MALRD1: variants seen among roughly 807,000 people sequenced by gnomAD.
MALRD1 encodes MAM and LDL receptor class A domain containing 1.
Under a neutral mutation model 242.1 loss-of-function variants are expected in MALRD1, and 247 were observed. The observed-to-expected ratio is 1.02, with a 90% CI of 0.92 to 1.13. MALRD1 has a LOEUF of 1.13. Ranked by LOEUF, MALRD1 falls within the 50% of genes most tolerant of loss-of-function variation. The pLI, the probability that MALRD1 is intolerant of heterozygous loss-of-function variation, is 0.00. For synonymous variants in MALRD1, 995 were observed against 866.6 expected (o/e 1.15, Z -2.60); for missense variants, 2,989 against 2,533.1 (o/e 1.18, Z -3.86).
intron 31 of MALRD1, among the ~76,000 whole-genome samples, chr10:19,501,882 T>A (rs1837988007): frequency 6.6e-6 from 1 of 151,074 alleles, no homozygotes. Context: ...AAATAAAAAA[T>A]TAGCCAGGTG....
chr10:19,474,051 T>G (rs1468862969), intron 29 of MALRD1, among the ~76,000 whole-genome samples: 3 of 152,174 alleles, frequency 2.0e-5, no homozygotes. Context: ...GTATCTAGTT[T>G]TGGTTTTCAT....
chr10:19,273,537 A>C (rs1052130838), intron 19 of MALRD1, among the ~76,000 whole-genome samples: 96 of 152,322 alleles, frequency 6.3e-4, no homozygotes, highest in African/African-American at 2.1e-3. Flanking sequence ...ATCCAGATAA[A>C]AATATTATTC....
At chr10:19,695,176 A>G (rs1478827717) in intron 38 of MALRD1, among the ~76,000 whole-genome samples, 1 of 152,108 alleles carries the variant, frequency 6.6e-6, no homozygotes, top group African/African-American at 2.4e-5. Flanking sequence ...ACATATGTAA[A>G]AAACTGCACG....
At chr10:19,494,823 G>A (rs925665137) in intron 30 of MALRD1, among the ~76,000 whole-genome samples, 1 of 152,096 alleles carries the variant, frequency 6.6e-6, no homozygotes. Context: ...AAAGAGACAG[G>A]GAGAAAGCAA....
At chr10:19,155,798 A>G (rs1470517613) in intron 12 of MALRD1, among the ~76,000 whole-genome samples, 4 of 152,226 alleles carry the variant, frequency 2.6e-5, no homozygotes, top group East Asian at 1.9e-4. Context: ...ACACGATTAT[A>G]TGGAATAATG....
In MALRD1 at chr10:19,133,080, A is replaced by G. The variant is rs374014107; in HGVS notation, c.1111-776A>G. On this transcript the variant is annotated intron_variant, in intron 8 of 39. Transcript: ENST00000454679. Reference sequence around the variant, plus strand: ...CAGCCTCCTGAGTAGCTGGGATTACAGGCACCCACCACCACGCCTGGCTAA... The same window carrying G: ...CAGCCTCCTGAGTAGCTGGGATTACGGGCACCCACCACCACGCCTGGCTAA... 4.7e-4 allele frequency among the ~76,000 whole-genome samples: 71 copies of G among 152,220 alleles called. No individual in the cohort carries two copies. The South Asian group carries it at 0.014, about 31-fold the overall frequency.
chr10:19,355,353 A>G (rs1046062537), intron 26 of MALRD1, among the ~76,000 whole-genome samples: 7 of 152,042 alleles, frequency 4.6e-5, no homozygotes, highest in Non-Finnish European at 1.0e-4. Flanking sequence ...GAAAGCAAAG[A>G]ATAAACAAGA....
At chr10:19,243,210 C>T (rs1052017388) in intron 18 of MALRD1, among the ~76,000 whole-genome samples, 2 of 150,802 alleles carry the variant, frequency 1.3e-5, no homozygotes, top group Admixed American at 6.6e-5. Flanking sequence ...ACTTCTCCCC[C>T]GCCACACACA....
intron 2 of MALRD1, among the ~76,000 whole-genome samples, chr10:19,083,933 T>C (rs1456994827): frequency 6.6e-6 from 1 of 152,004 alleles, no homozygotes; most frequent in Non-Finnish European, 1.5e-5. Flanking sequence ...TTAAAATTCA[T>C]TTTGTGGGGG....
rs947295602 is a variant in MALRD1, at chr10:19,702,012, C to G, written c.6314+9458C>G. Among the ~76,000 whole-genome samples the G allele has an allele frequency of 4.6e-5, 7 of 151,966 alleles. No individual in the cohort carries two copies. In the South Asian group the frequency reaches 8.3e-4, roughly 18 times the overall value. ...TATTTCATTGACTGGACAGACAGCC[C>G]GACTGGCTTTGTCCTTTAGATTAAA... On this transcript the variant is annotated intron_variant, in intron 38 of 39. Transcript: ENST00000454679.
intron 38 of MALRD1, among the ~76,000 whole-genome samples, chr10:19,707,410 C>G (rs1012718965): frequency 6.6e-5 from 10 of 152,152 alleles, no homozygotes; most frequent in Admixed American, 5.9e-4. Flanking sequence ...TGCTAGGGCC[C>G]TAACTGATAC....
At chr10:19,452,551 C>T (rs1835388865) in intron 29 of MALRD1, among the ~76,000 whole-genome samples, 1 of 152,150 alleles carries the variant, frequency 6.6e-6, no homozygotes. Flanking sequence ...ACAGCCCAGC[C>T]ATCTACAATT....
intron 14 of MALRD1, among the ~76,000 whole-genome samples, chr10:19,199,737 G>A (rs1419905545): frequency 6.6e-6 from 1 of 151,948 alleles, no homozygotes; most frequent in Non-Finnish European, 1.5e-5. Flanking sequence ...GGAGGTGGAG[G>A]TTGCAGTGAG....
At chr10:19,616,135 G>T (rs1839145510) in intron 36 of MALRD1, among the ~76,000 whole-genome samples, 1 of 151,832 alleles carries the variant, frequency 6.6e-6, no homozygotes, top group East Asian at 1.9e-4. Flanking sequence ...GATTGTGCAT[G>T]TTTTTCAACA....
chr10:19,688,828 G>A (rs1340755385), intron 36 of MALRD1, among the ~76,000 whole-genome samples: 1 of 152,172 alleles, frequency 6.6e-6, no homozygotes, highest in Non-Finnish European at 1.5e-5. Context: ...AGAAATCCAG[G>A]GATCAGACTG....
intron 36 of MALRD1, among the ~76,000 whole-genome samples, chr10:19,671,733 A>C (rs1841930606): frequency 6.6e-6 from 1 of 152,224 alleles, no homozygotes; most frequent in Non-Finnish European, 1.5e-5. Context: ...TTTCCTGGAA[A>C]ATGTGGTTAG....
intron 18 of MALRD1, among the ~76,000 whole-genome samples, chr10:19,241,797 A>G (rs1564495910): frequency 1.3e-5 from 2 of 151,920 alleles, no homozygotes; most frequent in South Asian, 2.1e-4. Flanking sequence ...TTTCCTGTTA[A>G]TATCTTAATG....
chr10:19,374,722 C>A (rs1845527924), intron 26 of MALRD1, among the ~76,000 whole-genome samples: 1 of 152,134 alleles, frequency 6.6e-6, no homozygotes, highest in Admixed American at 6.5e-5. Context: ...GTGGTATGCA[C>A]CTTCCAGGTA....
chr10:19,332,693 G>T (rs563689602), intron 24 of MALRD1, among the ~76,000 whole-genome samples: 1 of 152,256 alleles, frequency 6.6e-6, no homozygotes, highest in Admixed American at 6.5e-5. Flanking sequence ...CATATATATA[G>T]AACTTTTAAT....
Sources: allele counts gnomAD v4.1 joint callset (sites outside exome capture counted in the v4.1 genomes callset), GRCh38; gene constraint gnomAD v4.1.1; transcripts MANE v1.5; gene names NCBI Gene and HGNC (gene_info 2026-07-23, HGNC 2026-07-21).